CYREN: variants seen among roughly 807,000 people sequenced by gnomAD.
The protein encoded by CYREN is cell cycle regulator of NHEJ.
In CYREN, 7 loss-of-function variants were observed where a neutral mutation model predicts 9.7. The ratio of observed to expected loss-of-function variants is 0.72; its 90% CI spans 0.41 to 1.36. The LOEUF (loss-of-function observed/expected upper bound fraction) is 1.36, where lower values mean the gene tolerates loss of function less well. Ranked by LOEUF, CYREN falls within the 40% of genes most tolerant of loss-of-function variation. The pLI is 0.01. For missense variants in CYREN, 215 were observed against 198.1 expected, an observed-to-expected ratio of 1.09 and a Z score of -0.51; for synonymous variants, 76 against 77.9, an observed-to-expected ratio of 0.98 and a Z score of 0.13.
chr7:135,113,534 G>T (rs1042005080), intron 2 of CYREN, among the ~76,000 whole-genome samples: 2 of 151,988 alleles, frequency 1.3e-5, no homozygotes, highest in Admixed American at 1.3e-4. Context: ...TTTCTCTTAT[G>T]CTGTCTACGG....
rs943513182 is a variant in CYREN, at chr7:135,167,575, C to T, written c.213+157G>A. Reference sequence around the variant, plus strand: ...GAGCGCACACCCACATGGGGAGAGGCCTGGGCAGCATGGCCGAGATAAGAG... The same window carrying T: ...GAGCGCACACCCACATGGGGAGAGGTCTGGGCAGCATGGCCGAGATAAGAG... On this transcript the variant is annotated intron_variant, in intron 3 of 3. Coordinates refer to ENST00000393114, the MANE Select transcript of CYREN (RefSeq NM_024033.4). The T allele has an allele frequency of 4.1e-6, 4 of 985,286 alleles. No individual in the cohort carries two copies. The African/African-American group carries it at 5.2e-5, about 13-fold the overall frequency. 61.0% of individuals were successfully genotyped at this position (985,286 alleles called of 1,614,324 possible).
chr7:135,104,497 A>G (rs1361425195), intron 2 of CYREN, among the ~76,000 whole-genome samples: 1 of 152,194 alleles, frequency 6.6e-6, no homozygotes, highest in Non-Finnish European at 1.5e-5. Context: ...TCCTTAAGGA[A>G]TCACCATACT....
chr7:135,101,822 A>G (rs572846685), intron 2 of CYREN, among the ~76,000 whole-genome samples: 3 of 152,186 alleles, frequency 2.0e-5, no homozygotes, highest in East Asian at 1.9e-4. Context: ...CTCATCTTCA[A>G]TTATAGCTCC....
chr7:135,098,230 G>C (rs778955382), intron 2 of CYREN, among the ~76,000 whole-genome samples: 4 of 152,144 alleles, frequency 2.6e-5, no homozygotes, highest in Non-Finnish European at 4.4e-5. Context: ...TTGTATCATG[G>C]AGGATTGTTT....
chr7:135,166,685 C>T lies in CYREN; in HGVS notation c.400G>A (p.Ala134Thr). 1 of 1,612,058 alleles carries T rather than the reference C, an allele frequency of 6.2e-7. No individual in the cohort carries two copies. Among genetic ancestry groups the T allele is most frequent in the Non-Finnish European group, 8.5e-7 (1 of 1,180,014 alleles). The change falls in exon 4 of 4, where the codon GCC (alanine) becomes ACC (threonine). Residue 134 changes from alanine (A) to threonine (T), a missense_variant. Ala to Thr is a moderately conservative substitution (Grantham distance 58, BLOSUM62 0). Transcript: ENST00000393114. ...PSQRPGGSSS[A>T]CSRSPEEEEE... ...TCCTCCTCAGGGCTCCTGCTACAGG[C>T]AGAGCTGGAACCCCCCGGCCTCTGG...
chr7:135,135,312 AT>A (rs1562914262), intron 2 of CYREN: 1 of 1,378,902 alleles, frequency 7.3e-7, no homozygotes. Context: ...ACATATGCTT[AT>A]GTAGTAAAAA....
intron 2 of CYREN, among the ~76,000 whole-genome samples, chr7:135,099,295 A>G (rs997262630): frequency 5.9e-5 from 9 of 152,116 alleles, no homozygotes; most frequent in Non-Finnish European, 1.3e-4. Flanking sequence ...TAGATTAGGT[A>G]TTTATATTGT....
In CYREN at chr7:135,166,648, T is replaced by C. The variant is rs536222376; in HGVS notation, c.437A>G (p.Asp146Gly). 2.5e-6 allele frequency: 4 copies of C among 1,605,318 alleles called. No homozygotes were observed. Among genetic ancestry groups the C allele is most frequent in the South Asian group, 2.2e-5 (2 of 91,064 alleles). ...GATCTCCCGGACGTATTTCAGCACA[T>C]CCTCTTCCTCCTCCTCCTCAGGGCT... ...SRSPEEEEEE[D>G]VLKYVREIFF... The change falls in exon 4 of 4, where the codon GAT (aspartate) becomes GGT (glycine). Residue 146 changes from aspartate (D) to glycine (G), a missense_variant. Transcript: ENST00000393114.
At chr7:135,138,235 G>A (rs1284049228) in intron 2 of CYREN, among the ~76,000 whole-genome samples, 3 of 151,750 alleles carry the variant, frequency 2.0e-5, no homozygotes, top group Non-Finnish European at 4.4e-5. Flanking sequence ...TCTGGCCTAC[G>A]TAAACAAAGG....
At chr7:135,097,467 A>G (rs530785802) in intron 2 of CYREN, among the ~76,000 whole-genome samples, 1 of 152,316 alleles carries the variant, frequency 6.6e-6, no homozygotes, top group Non-Finnish European at 1.5e-5. Flanking sequence ...TATTTTGTCC[A>G]AAAACTAACT....
intron 2 of CYREN, among the ~76,000 whole-genome samples, chr7:135,106,006 T>A (rs1337519768): frequency 7.2e-5 from 11 of 152,178 alleles, no homozygotes; most frequent in Admixed American, 7.2e-4. Context: ...CTATTATGAA[T>A]GGGATTGTGT....
chr7:135,130,255 T>C (rs1585292790), intron 2 of CYREN, among the ~76,000 whole-genome samples: 1 of 152,254 alleles, frequency 6.6e-6, no homozygotes, highest in East Asian at 1.9e-4. Context: ...GATGGTCCAG[T>C]GTCATTTTGA....
intron 2 of CYREN, among the ~76,000 whole-genome samples, chr7:135,156,134 A>T (rs757641817): frequency 6.6e-6 from 1 of 151,342 alleles, no homozygotes; most frequent in African/African-American, 2.4e-5. Flanking sequence ...GAGATTTGGG[A>T]TTTCCTTTAT....
intron 2 of CYREN, chr7:135,129,380 T>C (rs1419277396): frequency 4.6e-6 from 4 of 864,726 alleles, no homozygotes; most frequent in Non-Finnish European, 4.0e-6. Context: ...ATAAGGCCAA[T>C]AAAAGACTTT....
intron 2 of CYREN, among the ~76,000 whole-genome samples, chr7:135,159,127 A>G (rs1829866342): frequency 6.6e-6 from 1 of 152,196 alleles, no homozygotes; most frequent in Non-Finnish European, 1.5e-5. Context: ...CAGCTGGGCA[A>G]GCTGCCTCGA....
At chr7:135,137,132 A>T (rs1186181931) in intron 2 of CYREN, among the ~76,000 whole-genome samples, 1 of 151,988 alleles carries the variant, frequency 6.6e-6, no homozygotes, top group African/African-American at 2.4e-5. Context: ...TAAAACAACT[A>T]CGATGAATAT....
chr7:135,161,386 G>A (rs1338186301), downstream of CYREN, among the ~76,000 whole-genome samples: 1 of 152,166 alleles, frequency 6.6e-6, no homozygotes, highest in Non-Finnish European at 1.5e-5. This position sits in a 1 kb window ranked among gnomAD's most constrained non-coding sequence, Gnocchi z 4.1. Context: ...AAAAGTGAGA[G>A]GGAGTGTTTA....
chr7:135,138,986 G>A (rs1829404629), intron 2 of CYREN, among the ~76,000 whole-genome samples: 1 of 152,020 alleles, frequency 6.6e-6, no homozygotes, highest in South Asian at 2.1e-4. Context: ...TCTTTATTCA[G>A]TCCACCATTG....
chr7:135,125,192 C>A (rs1375983129), intron 2 of CYREN, among the ~76,000 whole-genome samples: 1 of 151,924 alleles, frequency 6.6e-6, no homozygotes, highest in Non-Finnish European at 1.5e-5. Context: ...CAAATAGACA[C>A]AATAAAAATG....
Sources: allele counts gnomAD v4.1 joint callset (sites outside exome capture counted in the v4.1 genomes callset), GRCh38; gene constraint gnomAD v4.1.1; non-coding constraint Gnocchi (gnomAD v3.1); transcripts MANE v1.5; gene names NCBI Gene and HGNC (gene_info 2026-07-23, HGNC 2026-07-21).